Variants in VRK2 observed in about 807,000 individuals in gnomAD.
VRK2 encodes the protein VRK serine/threonine kinase 2.
In VRK2, 60 loss-of-function variants were observed where a neutral mutation model predicts 57.6. The ratio of observed to expected loss-of-function variants is 1.04; its 90% CI spans 0.85 to 1.29. The LOEUF (loss-of-function observed/expected upper bound fraction) is 1.29, where lower values mean the gene tolerates loss of function less well. Ranked by LOEUF, VRK2 falls within the 50% of genes most tolerant of loss-of-function variation. The pLI, the probability that VRK2 is intolerant of heterozygous loss-of-function variation, is 0.00. For missense variants in VRK2, 705 were observed against 588.1 expected (o/e 1.20, Z -2.06); for synonymous variants, 231 against 199.2 (o/e 1.16, Z -1.35).
intron 1 of VRK2, among the ~76,000 whole-genome samples, chr2:57,992,553 G>A (rs938353480): frequency 2.6e-5 from 4 of 151,436 alleles, no homozygotes; most frequent in Admixed American, 6.6e-5. Context: ...TTTTTGAGAC[G>A]GAGTCTCGCT....
rs767894317 is a variant in VRK2, at chr2:58,139,697, T to C, written c.888T>C (p.His296=). The change falls in exon 11 of 13, where the codon CAT becomes CAC. Residue 296 remains histidine (H), a synonymous_variant. Transcript: ENST00000340157. ...TAGCCCAATTTTTGGTATGTGCTCATAGTTTAGCATATGATGAAAAGCCAA... is the reference window on the plus strand; with the variant it reads ...TAGCCCAATTTTTGGTATGTGCTCACAGTTTAGCATATGATGAAAAGCCAA... ...CEIAQFLVCA[H]SLAYDEKPNY... 2 of 1,612,766 alleles carry C rather than the reference T, an allele frequency of 1.2e-6. No homozygotes were observed. Among genetic ancestry groups the C allele is most frequent in the African/African-American group, 2.7e-5 (2 of 74,886 alleles).
intron 12 of VRK2, among the ~76,000 whole-genome samples, chr2:58,153,801 T>C (rs1573435934): frequency 6.6e-6 from 1 of 152,092 alleles, no homozygotes; most frequent in East Asian, 1.9e-4. Flanking sequence ...CTTTTTCACG[T>C]TTTGCAGAAT....
intron 2 of VRK2, 134 bp from the exon 3 acceptor site, chr2:58,083,955 T>C: frequency 8.1e-6 from 7 of 865,560 alleles, no homozygotes; most frequent in South Asian, 2.6e-5. Context: ...TGATTCCTAC[T>C]ACCATAAAAG....
intron 2 of VRK2, among the ~76,000 whole-genome samples, chr2:58,079,840 AT>A (rs1670612448): frequency 6.6e-6 from 1 of 151,952 alleles, no homozygotes; most frequent in South Asian, 2.1e-4. Flanking sequence ...AGGTGTCCTC[AT>A]TTCTACTGAG....
intron 2 of VRK2, among the ~76,000 whole-genome samples, chr2:58,069,008 C>G (rs895312931): frequency 6.6e-6 from 1 of 151,974 alleles, no homozygotes; most frequent in East Asian, 1.9e-4. Flanking sequence ...ACATCCCTGT[C>G]ATTTTGTCAT....
At chr2:58,147,450 G>A (rs561806949) in intron 12 of VRK2, among the ~76,000 whole-genome samples, 99 of 151,930 alleles carry the variant, frequency 6.5e-4, no homozygotes, top group African/African-American at 2.2e-3. Flanking sequence ...AAGACAAATC[G>A]TGCTTGGTGA....
At chr2:57,977,932 G>C (rs1248317110) in intron 1 of VRK2, among the ~76,000 whole-genome samples, 1 of 151,154 alleles carries the variant, frequency 6.6e-6, no homozygotes, top group East Asian at 1.9e-4. Flanking sequence ...CATGAAGGGT[G>C]TTGAATTTTA....
intron 1 of VRK2, among the ~76,000 whole-genome samples, chr2:57,976,643 C>G (rs1207123448): frequency 6.6e-6 from 1 of 152,028 alleles, no homozygotes; most frequent in Non-Finnish European, 1.5e-5. Context: ...TCATAATTTG[C>G]AAATATATTC....
At chr2:58,125,276 T>A (rs557770112) in intron 8 of VRK2, among the ~76,000 whole-genome samples, 2 of 152,182 alleles carry the variant, frequency 1.3e-5, no homozygotes, top group African/African-American at 4.8e-5. Flanking sequence ...GGTCAGTGTT[T>A]GGACTGTGGT....
rs760039901 is a variant in VRK2 at position 58,123,168 on chromosome 2, A to C, written c.611A>C (p.Glu204Ala). The change falls in exon 8 of 13, where the codon GAA becomes GCA. Residue 204 changes from glutamate (E) to alanine (A), a missense_variant. By Grantham distance (107) the Glu-to-Ala change is moderately radical. Coordinates refer to ENST00000340157, the MANE Select transcript of VRK2 (RefSeq NM_006296.7). ...AATGGGAACCACAAACAGTATCAGG[A>C]AAATCCTAGAAAAGGCCATAATGGG... ...CPNGNHKQYQ[E>A]NPRKGHNGTI... 6 of 1,595,628 alleles carry C rather than the reference A, an allele frequency of 3.8e-6. No homozygotes were observed. In the Admixed American group the frequency reaches 1.1e-4, roughly 29 times the overall value.
chr2:58,000,593 T>C (rs1358993202), intron 1 of VRK2, among the ~76,000 whole-genome samples: 1 of 152,222 alleles, frequency 6.6e-6, no homozygotes, highest in Non-Finnish European at 1.5e-5. Flanking sequence ...TTTATTTATT[T>C]ATTTTTGCCT....
At chr2:58,029,440 A>G (rs916760983) in intron 2 of VRK2, among the ~76,000 whole-genome samples, 2 of 152,116 alleles carry the variant, frequency 1.3e-5, no homozygotes, top group African/African-American at 4.8e-5. Context: ...CTTTGTGTCA[A>G]CTCAGGTAGA....
At chr2:58,114,434 T>C (rs1237277521) in intron 7 of VRK2, among the ~76,000 whole-genome samples, 1 of 152,160 alleles carries the variant, frequency 6.6e-6, no homozygotes, top group Non-Finnish European at 1.5e-5. Flanking sequence ...GACAAGTTTT[T>C]TTGGGGCACA....
At chr2:57,942,994 A>G (rs1314181362) in intron 1 of VRK2, among the ~76,000 whole-genome samples, 15 of 152,240 alleles carry the variant, frequency 9.9e-5, no homozygotes, top group Admixed American at 9.8e-4. Context: ...GAAAATATCA[A>G]ATTCACTTTT....
upstream of VRK2, chr2:58,046,559 T>A: frequency 1.0e-6 from 1 of 985,642 alleles, no homozygotes. Flanking sequence ...GTCCAGACGC[T>A]GGCGGGCCAG....
At chr2:58,135,236 T>G in intron 10 of VRK2, 37 bp downstream of exon 10, 1 of 1,611,312 alleles carries the variant, frequency 6.2e-7, no homozygotes, top group East Asian at 2.2e-5. Flanking sequence ...CTCTTACGAT[T>G]TACAGGTTGC....
In VRK2 at chr2:58,082,671, A is replaced by T. The variant is rs548353480; in HGVS notation, c.137-1418A>T. ...GATCTGGCTAATCCACTCTTCCTGC[A>T]GTTTCCTTGGGACTATTGCATGGGT... On this transcript the variant is annotated intron_variant, in intron 2 of 12. Coordinates refer to ENST00000340157, the MANE Select transcript of VRK2 (RefSeq NM_006296.7). 7.9e-5 allele frequency among the ~76,000 whole-genome samples: 12 copies of T among 152,062 alleles called. No homozygotes were observed. The South Asian group carries it at 2.3e-3, about 29-fold the overall frequency.
At chr2:58,088,762 C>A (rs1441523047) in intron 6 of VRK2, among the ~76,000 whole-genome samples, 1 of 152,136 alleles carries the variant, frequency 6.6e-6, no homozygotes, top group Non-Finnish European at 1.5e-5. Flanking sequence ...TCAGTTATAA[C>A]AATGCAAATT....
intron 8 of VRK2, among the ~76,000 whole-genome samples, chr2:58,123,770 A>G (rs1677878903): frequency 6.6e-6 from 1 of 151,834 alleles, no homozygotes; most frequent in Admixed American, 6.6e-5. Context: ...GAGGAGGATC[A>G]CTTGAGCCAA....
Sources: allele counts gnomAD v4.1 joint callset (sites outside exome capture counted in the v4.1 genomes callset), GRCh38; gene constraint gnomAD v4.1.1; transcripts MANE v1.5; gene names NCBI Gene and HGNC (gene_info 2026-07-23, HGNC 2026-07-21).